XCR1: variants seen among roughly 807,000 people sequenced by gnomAD.
XCR1 encodes the protein X-C motif chemokine receptor 1.
For missense variants in XCR1, 356 were observed against 424.2 expected, an observed-to-expected ratio of 0.84 and a Z score of 1.41; for synonymous variants, 187 against 188.5, an observed-to-expected ratio of 0.99 and a Z score of 0.06.
intron 3 of XCR1, among the ~76,000 whole-genome samples, chr3:46,067,481 T>C (rs1298891951): frequency 1.3e-5 from 2 of 152,128 alleles, no homozygotes; most frequent in African/African-American, 2.4e-5. Flanking sequence ...TTGGGCTAAA[T>C]TGGGTTCCAT....
intron 4 of XCR1, among the ~76,000 whole-genome samples, chr3:46,066,356 T>C (rs1332071926): frequency 2.0e-5 from 3 of 152,232 alleles, no homozygotes; most frequent in African/African-American, 7.2e-5. Context: ...GCGATTCTCC[T>C]GCTTCAGCCT....
At chr3:46,030,702 G>A (rs1055364476), upstream of XCR1, among the ~76,000 whole-genome samples, 12 of 152,186 alleles carry the variant, frequency 7.9e-5, no homozygotes, top group Admixed American at 6.5e-4. Flanking sequence ...AGGCATGAGC[G>A]GTGGTGGCAG....
intron 5 of XCR1, among the ~76,000 whole-genome samples, chr3:46,050,790 A>G (rs1457855555): frequency 6.6e-6 from 1 of 152,096 alleles, no homozygotes; most frequent in African/African-American, 2.4e-5. Flanking sequence ...TATCCTTAAG[A>G]TCTATAATTA....
Position 46,084,744 on chromosome 3 carries a change from G to C in XCR1, c.-515+1050C>G, listed in dbSNP as rs765135416. Among the ~76,000 whole-genome samples the C allele has an allele frequency of 3.9e-5, 6 of 152,214 alleles. No homozygotes were observed. In the South Asian group the frequency reaches 1.2e-3, roughly 32 times the overall value. On this transcript the variant is annotated intron_variant, in intron 1 of 5. Transcript: ENST00000683768. ...GCTTATAAGCAAGAGCTAAACACTG[G>C]GCACACAAAGACATAAAGACGGAAA...
chr3:46,047,516 T>C (rs1472339100), intron 5 of XCR1, among the ~76,000 whole-genome samples: 1 of 152,208 alleles, frequency 6.6e-6, no homozygotes, highest in Non-Finnish European at 1.5e-5. Flanking sequence ...AAACTGTAAA[T>C]TGAGTGGTGA....
intron 4 of XCR1, among the ~76,000 whole-genome samples, chr3:46,056,648 A>C (rs1697857313): frequency 8.6e-6 from 1 of 116,498 alleles, no homozygotes; most frequent in African/African-American, 3.4e-5. Flanking sequence ...TAATTTTTGT[A>C]TTTATTTATT....
chr3:46,066,390 A>G (rs546341776), intron 4 of XCR1, among the ~76,000 whole-genome samples: 4 of 152,278 alleles, frequency 2.6e-5, no homozygotes, highest in Admixed American at 1.3e-4. Context: ...GACTACAGGC[A>G]CGCACCACCA....
intron 4 of XCR1, among the ~76,000 whole-genome samples, chr3:46,058,001 C>A (rs1697887061): frequency 1.3e-5 from 2 of 152,048 alleles, no homozygotes; most frequent in African/African-American, 4.8e-5. Flanking sequence ...ATCTTGCTAC[C>A]TATCTCCTAC....
At chr3:46,051,314 A>C (rs1210659521) in intron 5 of XCR1, among the ~76,000 whole-genome samples, 1 of 152,218 alleles carries the variant, frequency 6.6e-6, no homozygotes, top group Non-Finnish European at 1.5e-5. Context: ...TCTTGACCCC[A>C]TAAATTGATA....
At chr3:46,026,052 A>G (rs184011386) in intron 1 of XCR1, among the ~76,000 whole-genome samples, 2 of 152,292 alleles carry the variant, frequency 1.3e-5, no homozygotes, top group Admixed American at 1.3e-4. Flanking sequence ...CCATATCAAT[A>G]GAATAAAGAA....
rs138563781 is a variant in XCR1, at chr3:46,021,785, C to T, written c.163G>A (p.Val55Ile). Reference protein sequence around the residue: ...SLVGNSLVLWVLVKYESLESL... With the variant: ...SLVGNSLVLWILVKYESLESL... ...TCCAGGCTCTCATACTTCACCAGGA[C>T]CCACAGGACCAGGCTGTTGCCCACT... The change falls in exon 2 of 2, where the codon GTC becomes ATC. Residue 55 changes from valine (V) to isoleucine (I), a missense_variant. Val to Ile is a conservative substitution (Grantham distance 29). Coordinates refer to ENST00000309285, the MANE Select transcript of XCR1 (RefSeq NM_001024644.2). The surrounding 1 kb of genome is among the most constrained non-coding windows in gnomAD (Gnocchi z 4.7). 6.8e-6 allele frequency: 11 copies of T among 1,613,948 alleles called. No homozygotes were observed. The African/African-American group carries it at 1.2e-4, about 18-fold the overall frequency.
Position 46,035,764 on chromosome 3 carries a change from G to T in XCR1, c.-31-13786C>A, listed in dbSNP as rs183852338. Among the ~76,000 whole-genome samples, 100 of 152,266 alleles carry T rather than the reference G, an allele frequency of 6.6e-4. 1 individual carries two copies. Among genetic ancestry groups the T allele is most frequent in the African/African-American group, 2.3e-3 (96 of 41,536 alleles). On this transcript the variant is annotated intron_variant, in intron 5 of 5. Coordinates refer to the XCR1 transcript ENST00000683768. ...GAAATTTTTGAAAGAATTTCCATTT[G>T]CAGGTTGAACAAGCCCAACTGACAG...
intron 5 of XCR1, among the ~76,000 whole-genome samples, chr3:46,051,428 C>T (rs1045365455): frequency 6.6e-6 from 1 of 152,152 alleles, no homozygotes; most frequent in Non-Finnish European, 1.5e-5. Context: ...GTTCTTGCTC[C>T]CACTAAGGAC....
rs1429955667 is a variant in XCR1 at position 46,020,289 on chromosome 3, C to G, written c.*657G>C. 6.6e-6 allele frequency: 1 copy of G among 152,382 alleles called. No individual in the cohort carries two copies. Among genetic ancestry groups the G allele is most frequent in the South Asian group, 2.1e-4 (1 of 4,838 alleles). The allele number at this position is 152,382 out of a possible 1,614,324, so 9.4% of individuals were successfully genotyped here. A position where few individuals can be genotyped will look rare whatever the true frequency, so the allele number is the denominator to read the frequency against. Reference sequence around the variant, plus strand: ...GAAGGTAGCACTTATTAAATTCATTCCTTCAATCAAATATTTATGAGCTAA... The same window carrying G: ...GAAGGTAGCACTTATTAAATTCATTGCTTCAATCAAATATTTATGAGCTAA... On this transcript the variant is annotated 3_prime_UTR_variant, in exon 2 of 2. Coordinates refer to ENST00000309285, the MANE Select transcript of XCR1 (RefSeq NM_001024644.2).
chr3:46,061,948 C>T (rs1362281426), intron 4 of XCR1, among the ~76,000 whole-genome samples: 1 of 152,122 alleles, frequency 6.6e-6, no homozygotes, highest in Non-Finnish European at 1.5e-5. Flanking sequence ...GGTATCTTCT[C>T]TGGGATGGAT....
intron 1 of XCR1, among the ~76,000 whole-genome samples, chr3:46,083,051 C>G (rs1008281345): frequency 3.9e-5 from 6 of 152,224 alleles, no homozygotes; most frequent in African/African-American, 1.4e-4. Flanking sequence ...CCTGACTCAT[C>G]CTAACCTGTT....
upstream of XCR1, among the ~76,000 whole-genome samples, chr3:46,028,623 A>G (rs1575412275): frequency 2.7e-5 from 4 of 148,406 alleles, no homozygotes; most frequent in Non-Finnish European, 1.5e-5. Context: ...GCAGGCCCTC[A>G]CTCTGTCACC....
In XCR1 at chr3:46,082,017, A is replaced by G. The variant is rs186206861; in HGVS notation, c.-515+3777T>C. 3.7e-3 allele frequency among the ~76,000 whole-genome samples: 562 copies of G among 152,326 alleles called. 1 individual carries two copies. The highest frequency in any genetic ancestry group is 6.8e-3 in the Admixed American group (104 of 15,290). ...CCTTCTCACCCAGTGGGAAGGGACC[A>G]TATCAGGTACTATTGGCCAATCCCT... On this transcript the variant is annotated intron_variant, in intron 1 of 5. Transcript: ENST00000683768.
At chr3:46,024,661 GTGTAAGATACACACCTTATTTGTTAGT>G (rs1394418595) in intron 1 of XCR1, among the ~76,000 whole-genome samples, 1 of 152,118 alleles carries the variant, frequency 6.6e-6, no homozygotes, top group African/African-American at 2.4e-5. Flanking sequence ...TAAATAAGGT[GTGTAAGATACACACCTTATTTGTTAGT>G]TGTAAGATAT....
Sources: gnomAD v4.1 joint callset for allele counts (sites outside exome capture counted in the v4.1 genomes callset) on GRCh38, gnomAD v4.1.1 for gene constraint, Gnocchi (gnomAD v3.1) non-coding constraint, MANE v1.5 for transcripts, NCBI Gene and HGNC (gene_info 2026-07-23, HGNC 2026-07-21) for gene names.